C1orf52: variants seen among roughly 807,000 people sequenced by gnomAD.
The protein encoded by C1orf52 is chromosome 1 open reading frame 52.
In C1orf52, 5 loss-of-function variants were observed where a neutral mutation model predicts 17.2. The ratio of observed to expected loss-of-function variants is 0.29; its 90% confidence interval spans 0.15 to 0.61. The LOEUF (loss-of-function observed/expected upper bound fraction) is 0.61, where lower values mean the gene tolerates loss of function less well. Ranked by LOEUF, C1orf52 falls within the 20% of genes least tolerant of loss-of-function variation. The pLI, the probability that C1orf52 is intolerant of heterozygous loss-of-function variation, is 0.85. For missense variants in C1orf52, 245 were observed against 234.1 expected (o/e 1.05, Z -0.30); for synonymous variants, 110 against 88.0 (o/e 1.25, Z -1.40).
chr1:85,255,863 A>G (rs979735893), intron 2 of C1orf52, among the ~76,000 whole-genome samples: 3 of 152,220 alleles, frequency 2.0e-5, no homozygotes, highest in Admixed American at 6.5e-5. Context: ...TTTGTTTTCC[A>G]ATAAAGGACC....
At chr1:85,258,985 G>A in intron 1 of C1orf52, 1 of 1,365,786 alleles carries the variant, frequency 7.3e-7, no homozygotes, top group Non-Finnish European at 9.4e-7. Flanking sequence ...ACCCCTTCAG[G>A]AGGCTGCAGC....
Position 85,252,073 on chromosome 1 carries a change from C to G in C1orf52, c.*556G>C, listed in dbSNP as rs961940757. 5 of 152,302 alleles carry G rather than the reference C, an allele frequency of 3.3e-5. No individual in the cohort carries two copies. Among genetic ancestry groups the G allele is most frequent in the Admixed American group, 2.6e-4 (4 of 15,268 alleles). 9.4% of individuals were successfully genotyped at this position (152,302 alleles called of 1,614,324 possible). A position where few individuals can be genotyped will look rare whatever the true frequency, so the allele number is the denominator to read the frequency against. On this transcript the variant is annotated 3_prime_UTR_variant, in exon 3 of 3. Coordinates refer to ENST00000471115, the MANE Select transcript of C1orf52 (RefSeq NM_198077.4). ...TCAGAGAAAATATATGCACAAAGCA[C>G]CTGGAACACAGGAGGCACTCTTTAA...
rs548395297 is a variant in C1orf52, at chr1:85,252,559, A to G, written c.*70T>C. 256 of 1,292,292 alleles carry G rather than the reference A, an allele frequency of 2.0e-4. No homozygotes were observed. The highest frequency in any genetic ancestry group is 5.5e-4 in the Middle Eastern group (3 of 5,428). 80.1% of individuals were successfully genotyped at this position (1,292,292 alleles called of 1,614,324 possible). A position where few individuals can be genotyped will look rare whatever the true frequency, so the allele number is the denominator to read the frequency against. On this transcript the variant is annotated 3_prime_UTR_variant, in exon 3 of 3. Coordinates refer to ENST00000471115, the MANE Select transcript of C1orf52 (RefSeq NM_198077.4). ...TGGAGATGTGGCATAATAACCCACA[A>G]TATCAACTTAATCTGTCCAAAGAAA...
intron 2 of C1orf52, among the ~76,000 whole-genome samples, chr1:85,254,019 G>C (rs750675063): frequency 6.6e-6 from 1 of 152,006 alleles, no homozygotes. Context: ...ATATTGAAAG[G>C]AGCCTTCATT....
At chr1:85,255,645 G>A (rs1659918388) in intron 2 of C1orf52, among the ~76,000 whole-genome samples, 1 of 151,966 alleles carries the variant, frequency 6.6e-6, no homozygotes, top group Non-Finnish European at 1.5e-5. Flanking sequence ...ACTGGAAGAC[G>A]TTAACCGGCA....
chr1:85,251,555 A>C lies in C1orf52; in HGVS notation c.*1074T>G, dbSNP rs1229706548. Reference sequence around the variant, plus strand: ...ACTATACGCAAAGCATTAAAATAGAAGCTGGGTAGAGAAAACATGTAGAAG... The same window carrying C: ...ACTATACGCAAAGCATTAAAATAGACGCTGGGTAGAGAAAACATGTAGAAG... On this transcript the variant is annotated 3_prime_UTR_variant, in exon 3 of 3. Coordinates refer to ENST00000471115, the MANE Select transcript of C1orf52 (RefSeq NM_198077.4). The C allele has an allele frequency of 6.6e-6, 1 of 152,228 alleles. No homozygotes were observed. The highest frequency in any genetic ancestry group is 1.5e-5 in the Non-Finnish European group (1 of 68,030). The allele number at this position is 152,228 out of a possible 1,614,324, so 9.4% of individuals were successfully genotyped here. A position where few individuals can be genotyped will look rare whatever the true frequency, so the allele number is the denominator to read the frequency against.
At chr1:85,258,474 C>A in intron 2 of C1orf52, 50 bp downstream of exon 2, 1 of 1,434,412 alleles carries the variant, frequency 7.0e-7, no homozygotes, top group Non-Finnish European at 9.6e-7. Flanking sequence ...TCTTTTTAAG[C>A]CCATCACGGG....
In C1orf52 at chr1:85,250,413, TCAAC is replaced by T. The variant is rs1164500286; in HGVS notation, c.*2212_*2215del. 1 of 152,206 alleles carries T rather than the reference TCAAC, an allele frequency of 6.6e-6. No individual in the cohort carries two copies. The highest frequency in any genetic ancestry group is 2.4e-5 in the African/African-American group (1 of 41,438). 9.4% of individuals were successfully genotyped at this position (152,206 alleles called of 1,614,324 possible). Reference sequence around the variant, plus strand: ...TTTTCCCCACTAGGTTTCCACTAGCTCAACCAAACTTCACCTCAGTACCCACATG... The same window carrying T: ...TTTTCCCCACTAGGTTTCCACTAGCTCAAACTTCACCTCAGTACCCACATG... On this transcript the variant is annotated 3_prime_UTR_variant, in exon 3 of 3. Coordinates refer to ENST00000471115, the MANE Select transcript of C1orf52 (RefSeq NM_198077.4).
At chr1:85,255,430 G>A (rs960906516) in intron 2 of C1orf52, among the ~76,000 whole-genome samples, 1 of 151,952 alleles carries the variant, frequency 6.6e-6, no homozygotes, top group Non-Finnish European at 1.5e-5. Flanking sequence ...TGTGCCTGTA[G>A]TCCCAGCTAC....
intron 2 of C1orf52, among the ~76,000 whole-genome samples, chr1:85,252,929 G>A (rs1557777732): frequency 6.6e-6 from 1 of 151,888 alleles, no homozygotes; most frequent in African/African-American, 2.4e-5. Context: ...AATTCACAAA[G>A]TAACTCTTTA....
chr1:85,252,689 A>G lies in C1orf52; in HGVS notation c.489T>C (p.Asp163=). Residue 163 remains aspartate (D), a synonymous_variant, in exon 3 of 3, where the codon GAT becomes GAC. Transcript: ENST00000471115. The part of the protein sequence containing the change: ...EETLESDDEK[D]EHTSKKRKVE... Reference sequence around the variant, plus strand: ...CTTTGCGCTTTTTAGAAGTATGCTCATCTTTTTCATCATCTTTAAATAGAA... The same window carrying G: ...CTTTGCGCTTTTTAGAAGTATGCTCGTCTTTTTCATCATCTTTAAATAGAA... 6.2e-7 allele frequency: 1 copy of G among 1,611,652 alleles called. No homozygotes were observed. Among genetic ancestry groups the G allele is most frequent in the Non-Finnish European group, 8.5e-7 (1 of 1,178,264 alleles).
chr1:85,258,927 T>G, intron 1 of C1orf52: 1 of 1,413,806 alleles, frequency 7.1e-7, no homozygotes, highest in East Asian at 2.6e-5. Flanking sequence ...CTAATAACTT[T>G]TAGTTACCAA....
chr1:85,258,434 G>C (rs1447953527), intron 2 of C1orf52, 90 bp downstream of exon 2: 2 of 1,153,564 alleles, frequency 1.7e-6, no homozygotes, highest in African/African-American at 3.1e-5. Context: ...CAATTCGCTA[G>C]ATTTAATTTT....
Position 85,252,602 on chromosome 1 carries a change from C to A in C1orf52, c.*27G>T. The A allele has an allele frequency of 1.9e-6, 3 of 1,577,956 alleles. No individual in the cohort carries two copies. Among genetic ancestry groups the A allele is most frequent in the Non-Finnish European group, 2.6e-6 (3 of 1,147,838 alleles). ...CAAAGAAACATTTCAACAAGTTTAG[C>A]AGTACAGAAATTCTGGTCATTTGTT... On this transcript the variant is annotated 3_prime_UTR_variant, in exon 3 of 3. Transcript: ENST00000471115.
rs2100735846 is a variant in C1orf52, at chr1:85,259,397, C to G, written c.237G>C (p.Gln79His). 6.2e-7 allele frequency: 1 copy of G among 1,614,038 alleles called. No individual in the cohort carries two copies. Among genetic ancestry groups the G allele is most frequent in the Non-Finnish European group, 8.5e-7 (1 of 1,179,958 alleles). The change falls in exon 1 of 3, where the codon CAG (glutamine) becomes CAC (histidine). Residue 79 changes from glutamine (Q) to histidine (H), a missense_variant. Transcript: ENST00000471115. ...TGACGACGTGCCTCTCCCAGTCTATCTGTTTGTTGAGCGGATTGTAGAGAA... is the reference window on the plus strand; with the variant it reads ...TGACGACGTGCCTCTCCCAGTCTATGTGTTTGTTGAGCGGATTGTAGAGAA... ...PAFLYNPLNK[Q>H]IDWERHVVKA...
At chr1:85,255,631 A>G (rs959388277) in intron 2 of C1orf52, among the ~76,000 whole-genome samples, 7 of 152,176 alleles carry the variant, frequency 4.6e-5, no homozygotes, top group African/African-American at 1.7e-4. Flanking sequence ...CTTCCTCTAA[A>G]GTAACTGGAA....
In C1orf52 at chr1:85,258,742, A is replaced by C; in HGVS notation, c.277-20T>G. 1 of 1,585,650 alleles carries C rather than the reference A, an allele frequency of 6.3e-7. No homozygotes were observed. The highest frequency in any genetic ancestry group is 2.3e-5 in the East Asian group (1 of 44,222). On this transcript the variant is annotated intron_variant, in intron 1 of 2. Coordinates refer to ENST00000471115, the MANE Select transcript of C1orf52 (RefSeq NM_198077.4). ...TGGAGGCTGTTAAGCAAGCACATTA[A>C]GAAGCACTGTGACGAACCGAGGTTC...
chr1:85,252,820 C>G, intron 2 of C1orf52, 118 bp from the exon 3 acceptor site: 1 of 655,506 alleles, frequency 1.5e-6, no homozygotes, highest in South Asian at 1.9e-5. Flanking sequence ...ATGTTTCTCT[C>G]AGAGTTTCCC....
chr1:85,252,784 AC>A, intron 2 of C1orf52, 82 bp from the exon 3 acceptor site: 1 of 888,706 alleles, frequency 1.1e-6, no homozygotes, highest in Non-Finnish European at 1.8e-6. Context: ...CTGGCTTTAT[AC>A]CAAAATTATT....
Sources: gnomAD v4.1 joint callset for allele counts (sites outside exome capture counted in the v4.1 genomes callset) on GRCh38, gnomAD v4.1.1 for gene constraint, MANE v1.5 for transcripts, NCBI Gene and HGNC (gene_info 2026-07-23, HGNC 2026-07-21) for gene names.